Variants in LAPTM5 observed in about 807,000 individuals in gnomAD.
The protein encoded by LAPTM5 is lysosomal-associated transmembrane protein 5.
LAPTM5 carries 11 observed loss-of-function variants against 30.1 expected under a neutral mutation model. The ratio of observed to expected loss-of-function variants is 0.37; its 90% confidence interval spans 0.23 to 0.60. The LOEUF is 0.60. LAPTM5 is among the 20% of genes least tolerant of loss of function. The pLI is 0.71. For synonymous variants in LAPTM5, 151 were observed against 137.9 expected, an observed-to-expected ratio of 1.10 and a Z score of -0.67; for missense variants, 324 against 332.5, an observed-to-expected ratio of 0.97 and a Z score of 0.20.
At chr1:30,747,717 A>G (rs1194873928) in intron 1 of LAPTM5, among the ~76,000 whole-genome samples, 4 of 152,124 alleles carry the variant, frequency 2.6e-5, no homozygotes, top group Admixed American at 2.6e-4. Context: ...ATCAGGGAAG[A>G]TGGGGACAAT....
rs955023110 is a variant in LAPTM5, at chr1:30,746,510, C to T, written c.88-3961G>A. 1.3e-5 allele frequency among the ~76,000 whole-genome samples: 2 copies of T among 152,222 alleles called. No homozygotes were observed. The highest frequency in any genetic ancestry group is 2.9e-5 in the Non-Finnish European group (2 of 68,036). The stretch of plus-strand genomic sequence containing the variant: ...TTCCACCTGGACACAGCGCTGCCTT[C>T]TCCCCAAGCTCTGAGAGCCCAGCTG... On this transcript the variant is annotated intron_variant, in intron 1 of 7. Coordinates refer to ENST00000294507, the MANE Select transcript of LAPTM5 (RefSeq NM_006762.3). This position sits in a 1 kb window ranked among gnomAD's most constrained non-coding sequence, Gnocchi z 4.0.
chr1:30,749,774 C>T (rs1414980220), intron 1 of LAPTM5, among the ~76,000 whole-genome samples: 1 of 152,138 alleles, frequency 6.6e-6, no homozygotes, highest in Non-Finnish European at 1.5e-5. Flanking sequence ...TGAGCAGAGG[C>T]CAGTGTGCAT....
intron 6 of LAPTM5, among the ~76,000 whole-genome samples, chr1:30,737,070 T>C (rs1639895925): frequency 1.3e-5 from 2 of 152,184 alleles, no homozygotes; most frequent in Non-Finnish European, 2.9e-5. Context: ...CACACTCCAG[T>C]GCTTCACCAT....
chr1:30,733,571 C>CTGAT lies in LAPTM5; in HGVS notation c.*253_*256dup. 1 of 1,509,458 alleles carries CTGAT rather than the reference C, an allele frequency of 6.6e-7. No homozygotes were observed. Among genetic ancestry groups the CTGAT allele is most frequent in the Non-Finnish European group, 8.8e-7 (1 of 1,130,296 alleles). 93.5% of individuals were successfully genotyped at this position (1,509,458 alleles called of 1,614,324 possible). A position where few individuals can be genotyped will look rare whatever the true frequency, so the allele number is the denominator to read the frequency against. On this transcript the variant is annotated 3_prime_UTR_variant, in exon 8 of 8. Transcript: ENST00000294507. Reference sequence around the variant, plus strand: ...CCAATCGTCTAAACAAGTGTCAGAGCTGATTGAAATAAACCAAGCATTGTT... The same window carrying CTGAT: ...CCAATCGTCTAAACAAGTGTCAGAGCTGATTGATTGAAATAAACCAAGCATTGTT...
intron 1 of LAPTM5, among the ~76,000 whole-genome samples, chr1:30,752,902 GT>G (rs1472733947): frequency 6.6e-6 from 1 of 152,116 alleles, no homozygotes; most frequent in African/African-American, 2.4e-5. Flanking sequence ...CACCTCCCAG[GT>G]TCAAGCAATT....
intron 5 of LAPTM5, 62 bp from the exon 6 acceptor site, chr1:30,737,761 C>T (rs1380429260): frequency 9.3e-7 from 1 of 1,075,828 alleles, no homozygotes; most frequent in Non-Finnish European, 1.4e-6. Flanking sequence ...ACAGCACCCA[C>T]ACATCCGGGA....
intron 1 of LAPTM5, among the ~76,000 whole-genome samples, chr1:30,754,301 G>A: frequency 6.6e-6 from 1 of 152,140 alleles, no homozygotes; most frequent in East Asian, 1.9e-4. Context: ...GGAGGCCAAG[G>A]CAGGAGAATC....
At position 30,746,866 on chromosome 1, in the gene LAPTM5, G is replaced by A. The variant is rs747607677; in HGVS notation, c.88-4317C>T. ...ATGGAATCGTGTGGTGCGCGGAGCC[G>A]GGCACACAGCAGGTGCACCATAAAC... On this transcript the variant is annotated intron_variant, in intron 1 of 7. Coordinates refer to ENST00000294507, the MANE Select transcript of LAPTM5 (RefSeq NM_006762.3). This position sits in a 1 kb window ranked among gnomAD's most constrained non-coding sequence, Gnocchi z 4.0. Among the ~76,000 whole-genome samples, 1 of 152,270 alleles carries A rather than the reference G, an allele frequency of 6.6e-6. No homozygotes were observed. Among genetic ancestry groups the A allele is most frequent in the Middle Eastern group, 3.4e-3 (1 of 294 alleles).
At chr1:30,751,357 G>A (rs917157132) in intron 1 of LAPTM5, among the ~76,000 whole-genome samples, 3 of 152,268 alleles carry the variant, frequency 2.0e-5, no homozygotes, top group Admixed American at 6.5e-5. Flanking sequence ...TGGACATAAA[G>A]GTGGCAAGTT....
chr1:30,750,127 GAT>G (rs1395420973), intron 1 of LAPTM5, among the ~76,000 whole-genome samples: 2 of 152,200 alleles, frequency 1.3e-5, no homozygotes, highest in East Asian at 1.9e-4. Context: ...CAGCAGCAGA[GAT>G]ATTCTGGCTG....
intron 7 of LAPTM5, among the ~76,000 whole-genome samples, chr1:30,734,887 T>C (rs1301458680): frequency 6.6e-6 from 1 of 152,252 alleles, no homozygotes; most frequent in African/African-American, 2.4e-5. Flanking sequence ...TGTATCTATG[T>C]GTCTGAACTG....
Position 30,739,306 on chromosome 1 carries a change from C to G in LAPTM5, c.388-244G>C, listed in dbSNP as rs549229569. 2 of 437,050 alleles carry G rather than the reference C, an allele frequency of 4.6e-6. No homozygotes were observed. The highest frequency in any genetic ancestry group is 3.7e-5 in the Admixed American group (1 of 26,982). The allele number at this position is 437,050 out of a possible 1,614,324, so 27.1% of individuals were successfully genotyped here. Reference sequence around the variant, plus strand: ...AGGGCCCTTCCATGATGTAGCCCCCCGGTCTCTTCAAGGACAACAGTTGGG... The same window carrying G: ...AGGGCCCTTCCATGATGTAGCCCCCGGGTCTCTTCAAGGACAACAGTTGGG... On this transcript the variant is annotated intron_variant, in intron 4 of 7. Coordinates refer to ENST00000294507, the MANE Select transcript of LAPTM5 (RefSeq NM_006762.3). This position sits in a 1 kb window ranked among gnomAD's most constrained non-coding sequence, Gnocchi z 4.2.
In LAPTM5 at chr1:30,747,035, G is replaced by A. The variant is rs533531119; in HGVS notation, c.88-4486C>T. Among the ~76,000 whole-genome samples, 14 of 152,228 alleles carry A rather than the reference G, an allele frequency of 9.2e-5. No individual in the cohort carries two copies. In the East Asian group the frequency reaches 1.7e-3, roughly 19 times the overall value. ...CGGTGTCACAGTCTCCAGGGAACTC[G>A]ATACATGAATGGTGTGCTCAGAGCC... On this transcript the variant is annotated intron_variant, in intron 1 of 7. Transcript: ENST00000294507.
At position 30,733,509 on chromosome 1, in the gene LAPTM5, C is replaced by T. The variant is rs1452237517; in HGVS notation, c.*319G>A. 2.1e-6 allele frequency: 3 copies of T among 1,416,428 alleles called. No individual in the cohort carries two copies. The highest frequency in any genetic ancestry group is 2.8e-6 in the Non-Finnish European group (3 of 1,071,386). The allele number at this position is 1,416,428 out of a possible 1,614,324, so 87.7% of individuals were successfully genotyped here. ...AGTTGCTTGGCTGAACTGATCAAGTCGATAGTTGCTTGACAAACTCACCAA... is the reference window on the plus strand; with the variant it reads ...AGTTGCTTGGCTGAACTGATCAAGTTGATAGTTGCTTGACAAACTCACCAA... On this transcript the variant is annotated 3_prime_UTR_variant, in exon 8 of 8. Coordinates refer to ENST00000294507, the MANE Select transcript of LAPTM5 (RefSeq NM_006762.3).
intron 1 of LAPTM5, among the ~76,000 whole-genome samples, chr1:30,751,108 G>A (rs965939586): frequency 2.0e-5 from 3 of 152,272 alleles, no homozygotes; most frequent in Non-Finnish European, 2.9e-5. Context: ...TGGCAACAGA[G>A]AAGTCTCGGC....
At chr1:30,751,170 G>T (rs931065587) in intron 1 of LAPTM5, among the ~76,000 whole-genome samples, 1 of 152,256 alleles carries the variant, frequency 6.6e-6, no homozygotes, top group Non-Finnish European at 1.5e-5. Flanking sequence ...GGCCATGGGG[G>T]CCTCCTGCTT....
intron 1 of LAPTM5, 33 bp from the exon 2 acceptor site, chr1:30,742,582 C>A (rs201863165): frequency 1.3e-6 from 2 of 1,573,588 alleles, no homozygotes; most frequent in Non-Finnish European, 1.7e-6. Flanking sequence ...GTCAGCTGAG[C>A]CTGCATCACG....
chr1:30,749,464 T>A (rs559495431), intron 1 of LAPTM5, among the ~76,000 whole-genome samples: 2 of 152,310 alleles, frequency 1.3e-5, no homozygotes, highest in South Asian at 4.1e-4. Context: ...TAGCTGTGCT[T>A]TTCTATAGGT....
intron 1 of LAPTM5, among the ~76,000 whole-genome samples, chr1:30,755,319 C>T (rs1640195111): frequency 6.6e-6 from 1 of 151,752 alleles, no homozygotes; most frequent in Non-Finnish European, 1.5e-5. Context: ...CTCTAACGCA[C>T]AATTCACTCC....
Sources: allele counts gnomAD v4.1 joint callset (sites outside exome capture counted in the v4.1 genomes callset), GRCh38; gene constraint gnomAD v4.1.1; non-coding constraint Gnocchi (gnomAD v3.1); transcripts MANE v1.5; gene names NCBI Gene and HGNC (gene_info 2026-07-23, HGNC 2026-07-21).